The following SSBP2 variants were observed in gnomAD, a reference collection of about 807,000 sequenced individuals.
SSBP2 encodes the protein single-stranded DNA-binding protein 2.
A neutral mutation model predicts 61.8 loss-of-function variants in SSBP2; 17 were observed. That is an observed-to-expected ratio of 0.28 (90% CI 0.19 to 0.41). The LOEUF is 0.41. SSBP2 is among the 10% of genes least tolerant of loss of function. The probability of loss-of-function intolerance (pLI) is 1.00; values close to 1 mark genes in which losing one functional copy is unlikely to be tolerated. For synonymous variants in SSBP2, 139 were observed against 141.3 expected (o/e 0.98, Z 0.12); for missense variants, 310 against 458.7 (o/e 0.68, Z 2.96).
Position 81,582,994 on chromosome 5 carries a change from G to A in SSBP2, c.282+32479C>T, listed in dbSNP as rs371864324. Among the ~76,000 whole-genome samples, 13 of 152,196 alleles carry A rather than the reference G, an allele frequency of 8.5e-5. No individual in the cohort carries two copies. The East Asian group carries it at 2.3e-3, about 27-fold the overall frequency. ...TCAGCACTTTGGGAGGCCAAGGCAG[G>A]AAGATAACTTAAGGCCTGGAATTTG... On this transcript the variant is annotated intron_variant, in intron 4 of 16. Transcript: ENST00000320672.
At chr5:81,460,042 A>T (rs956652492) in intron 10 of SSBP2, among the ~76,000 whole-genome samples, 2 of 152,246 alleles carry the variant, frequency 1.3e-5, no homozygotes, top group African/African-American at 2.4e-5. Context: ...ATTTTAAAAA[A>T]TATATGACAG....
rs370614181 is a variant in SSBP2, at chr5:81,439,723, G to C, written c.928+835C>G. Reference sequence around the variant, plus strand: ...GTCTTGCTCTGTCACCCAGGCCAGAGTGCAGTGGCGCGATCTCGGCTCACT... The same window carrying C: ...GTCTTGCTCTGTCACCCAGGCCAGACTGCAGTGGCGCGATCTCGGCTCACT... On this transcript the variant is annotated intron_variant, in intron 14 of 16. Coordinates refer to ENST00000320672, the MANE Select transcript of SSBP2 (RefSeq NM_012446.5). 3.4e-5 allele frequency among the ~76,000 whole-genome samples: 5 copies of C among 144,928 alleles called. No individual in the cohort carries two copies. The South Asian group carries it at 1.1e-3, about 32-fold the overall frequency.
At chr5:81,751,311 CCTCTCCG>C, upstream of SSBP2, 1 of 561,842 alleles carries the variant, frequency 1.8e-6, no homozygotes, top group South Asian at 2.1e-5. Flanking sequence ...TCCCGCCTTC[CCTCTCCG>C]CTCTCCTCCC....
rs1055715192 is a variant in SSBP2, at chr5:81,415,463, T to C, written c.*5041A>G. 3 of 152,170 alleles carry C rather than the reference T, an allele frequency of 2.0e-5. No individual in the cohort carries two copies. The East Asian group carries it at 5.8e-4, about 30-fold the overall frequency. 9.4% of individuals were successfully genotyped at this position (152,170 alleles called of 1,614,324 possible). On this transcript the variant is annotated 3_prime_UTR_variant, in exon 17 of 17. Coordinates refer to ENST00000320672, the MANE Select transcript of SSBP2 (RefSeq NM_012446.5). ...TGTATTATAAATGCCATGGAAATCA[T>C]TGTTACAATGTATTATTTGTAATTA...
intron 4 of SSBP2, among the ~76,000 whole-genome samples, chr5:81,593,039 C>T (rs371661502): frequency 6.6e-6 from 1 of 152,270 alleles, no homozygotes; most frequent in South Asian, 2.1e-4. Flanking sequence ...GATCAAACTA[C>T]TCTGAGCTAC....
At chr5:81,592,909 C>T (rs1743227437) in intron 4 of SSBP2, among the ~76,000 whole-genome samples, 2 of 152,090 alleles carry the variant, frequency 1.3e-5, no homozygotes, top group African/African-American at 4.8e-5. Context: ...AGCAGAAAAA[C>T]TGGAAACTCT....
Position 81,541,998 on chromosome 5 carries a change from G to A in SSBP2, c.283-28281C>T, listed in dbSNP as rs1771309789. 2.6e-5 allele frequency among the ~76,000 whole-genome samples: 4 copies of A among 152,300 alleles called. No homozygotes were observed. In the South Asian group the frequency reaches 8.3e-4, roughly 32 times the overall value. On this transcript the variant is annotated intron_variant, in intron 4 of 16. Transcript: ENST00000320672. ...TAAACAACCAACCTACAGAATGGGA[G>A]AAAGTATTCACAAACTCTGCATTCA...
intron 14 of SSBP2, 39 bp from the exon 15 acceptor site, chr5:81,437,497 G>C (rs1762746610): frequency 1.3e-6 from 2 of 1,549,952 alleles, no homozygotes; most frequent in Non-Finnish European, 1.8e-6. Flanking sequence ...TATTAGGTAA[G>C]ATTTCATTTA....
At chr5:81,459,978 T>C (rs185618553) in intron 10 of SSBP2, among the ~76,000 whole-genome samples, 54 of 152,326 alleles carry the variant, frequency 3.5e-4, no homozygotes, top group African/African-American at 1.2e-3. Context: ...TTCAATTACT[T>C]AGCAAACATC....
intron 11 of SSBP2, among the ~76,000 whole-genome samples, chr5:81,448,514 G>GA (rs1387645173): frequency 4.6e-5 from 7 of 152,092 alleles, no homozygotes; most frequent in Non-Finnish European, 1.0e-4. Context: ...TGTAACTGGG[G>GA]ATTACTCTCT....
chr5:81,665,065 A>G (rs1394776800), intron 1 of SSBP2, among the ~76,000 whole-genome samples: 4 of 152,162 alleles, frequency 2.6e-5, no homozygotes. Context: ...TTCCATATGA[A>G]TTTTAAAATA....
chr5:81,517,992 T>C (rs1040046285), intron 4 of SSBP2, among the ~76,000 whole-genome samples: 1 of 152,104 alleles, frequency 6.6e-6, no homozygotes, highest in African/African-American at 2.4e-5. Context: ...ATGCAATTTA[T>C]TACTAAACAC....
At chr5:81,536,365 G>T (rs1770800146) in intron 4 of SSBP2, among the ~76,000 whole-genome samples, 2 of 152,020 alleles carry the variant, frequency 1.3e-5, no homozygotes, top group Admixed American at 1.3e-4. Flanking sequence ...AGGTTTGTTA[G>T]ATAGGTAAAC....
intron 4 of SSBP2, among the ~76,000 whole-genome samples, chr5:81,564,034 C>A (rs571582289): frequency 1.8e-4 from 27 of 152,182 alleles, no homozygotes; most frequent in African/African-American, 6.5e-4. Flanking sequence ...CCCTACCACA[C>A]AATAGCAAAA....
chr5:81,684,865 G>C (rs1167100272), intron 1 of SSBP2, among the ~76,000 whole-genome samples: 1 of 152,098 alleles, frequency 6.6e-6, no homozygotes, highest in African/African-American at 2.4e-5. Flanking sequence ...AGGGATAATT[G>C]TATTTAGCAA....
chr5:81,696,204 T>C (rs978525071), intron 1 of SSBP2, among the ~76,000 whole-genome samples: 5 of 152,162 alleles, frequency 3.3e-5, no homozygotes, highest in African/African-American at 1.2e-4. Context: ...CCCAATACTA[T>C]TCCATTTACC....
intron 1 of SSBP2, among the ~76,000 whole-genome samples, chr5:81,692,339 T>G (rs1753272646): frequency 6.6e-6 from 1 of 151,798 alleles, no homozygotes; most frequent in Admixed American, 6.6e-5. Flanking sequence ...AAAACACTGA[T>G]GAAAGAAATT....
chr5:81,483,354 C>G (rs1766139243), intron 6 of SSBP2, among the ~76,000 whole-genome samples: 1 of 152,042 alleles, frequency 6.6e-6, no homozygotes, highest in South Asian at 2.1e-4. Flanking sequence ...TGTGTATTTC[C>G]TTGACTACCA....
At chr5:81,451,530 G>C (rs1271727299) in intron 10 of SSBP2, among the ~76,000 whole-genome samples, 1 of 152,074 alleles carries the variant, frequency 6.6e-6, no homozygotes. Context: ...GGGTTCAAGC[G>C]ATTGTCCTGC....
Sources: allele counts gnomAD v4.1 joint callset (sites outside exome capture counted in the v4.1 genomes callset), GRCh38; gene constraint gnomAD v4.1.1; transcripts MANE v1.5; gene names NCBI Gene and HGNC (gene_info 2026-07-23, HGNC 2026-07-21).